The following USP20 variants were observed in gnomAD, a reference collection of about 807,000 sequenced individuals.
USP20 encodes the protein ubiquitin specific peptidase 20.
In USP20, 80 loss-of-function variants were observed where a neutral mutation model predicts 124.2. The observed-to-expected ratio is 0.64, with a 90% CI of 0.54 to 0.78. USP20 has a LOEUF of 0.78. Among genes scored for constraint, USP20 ranks in the 30% least tolerant of loss-of-function variants. The pLI is 0.00. For missense variants in USP20, 1,043 were observed against 1,244.4 expected (o/e 0.84, Z 2.44); for synonymous variants, 481 against 512.3 (o/e 0.94, Z 0.83).
In USP20 at chr9:129,868,155, G is replaced by A. The variant is rs2033914857; in HGVS notation, c.841G>A (p.Asp281Asn). 2.5e-6 allele frequency: 4 copies of A among 1,614,188 alleles called. No individual in the cohort carries two copies. Among genetic ancestry groups the A allele is most frequent in the Non-Finnish European group, 3.4e-6 (4 of 1,180,018 alleles). The part of the protein sequence containing the change: ...KREGDRSPSE[D>N]EFLSCDSSSD... ...GGAGGGTGACCGGAGCCCATCAGAA[G>A]ATGAGTTCTTGTCCTGTGACTCGAG... is the stretch of plus-strand genomic sequence containing the variant. The change falls in exon 11 of 26, where the codon GAT (aspartate) becomes AAT (asparagine). Residue 281 changes from aspartate to asparagine, a missense_variant. Asp to Asn is a conservative substitution (Grantham distance 23, BLOSUM62 1). Coordinates refer to ENST00000372429, the MANE Select transcript of USP20 (RefSeq NM_001110303.4).
chr9:129,866,498 C>T (rs764015626), intron 10 of USP20, among the ~76,000 whole-genome samples: 2 of 152,228 alleles, frequency 1.3e-5, no homozygotes, highest in African/African-American at 2.4e-5. Context: ...CACATCCTGG[C>T]AGAGATGGCA....
chr9:129,875,567 G>A lies in USP20; in HGVS notation c.2226G>A (p.Pro742=), dbSNP rs781694912. The part of the protein sequence containing the change: ...QTFLCSHGGI[P]PHKYHYIDDL... ...CCTGTACCTTCTTCCCAGGCATCCCGCCCCACAAATACCACTACATCGACG... is the reference window on the plus strand; with the variant it reads ...CCTGTACCTTCTTCCCAGGCATCCCACCCCACAAATACCACTACATCGACG... Residue 742 remains proline (P), a synonymous_variant, in exon 21 of 26, where the codon CCG becomes CCA. Coordinates refer to ENST00000372429, the MANE Select transcript of USP20 (RefSeq NM_001110303.4). 8.7e-6 allele frequency: 14 copies of A among 1,613,940 alleles called. No individual in the cohort carries two copies. The highest frequency in any genetic ancestry group is 3.3e-4 in the Middle Eastern group (2 of 6,084).
chr9:129,853,431 C>A (rs984668432), intron 3 of USP20, among the ~76,000 whole-genome samples: 2 of 152,158 alleles, frequency 1.3e-5, no homozygotes, highest in African/African-American at 4.8e-5. Flanking sequence ...ACACCTGGAC[C>A]CTTTGCAGCC....
intron 8 of USP20, among the ~76,000 whole-genome samples, chr9:129,862,480 G>T (rs542102313): frequency 6.6e-6 from 1 of 151,872 alleles, no homozygotes. Flanking sequence ...TTGAACCCGG[G>T]AGGCGGAGGT....
chr9:129,858,319 C>A, intron 5 of USP20, 148 bp from the exon 6 acceptor site: 1 of 1,242,020 alleles, frequency 8.1e-7, no homozygotes, highest in Non-Finnish European at 1.2e-6. Flanking sequence ...AGGGTCCTGA[C>A]TGGGGGTGGG....
intron 15 of USP20, among the ~76,000 whole-genome samples, chr9:129,870,808 T>C (rs1047224860): frequency 6.6e-6 from 1 of 152,244 alleles, no homozygotes; most frequent in African/African-American, 2.4e-5. Flanking sequence ...TGGGCAAAAA[T>C]GATGTATGTT....
chr9:129,855,320 A>G (rs2033153791), intron 3 of USP20, among the ~76,000 whole-genome samples: 1 of 152,008 alleles, frequency 6.6e-6, no homozygotes, highest in South Asian at 2.1e-4. Context: ...AGTCCCAGCT[A>G]CTTGGGAGGC....
chr9:129,846,367 C>T (rs2032569348), intron 1 of USP20, among the ~76,000 whole-genome samples: 1 of 145,008 alleles, frequency 6.9e-6, no homozygotes, highest in Non-Finnish European at 1.5e-5. Context: ...GCCATCCTCC[C>T]ATCACAGCTT....
intron 1 of USP20, 151 bp downstream of exon 1, chr9:129,835,650 C>A (rs2031761324): frequency 6.4e-6 from 1 of 156,158 alleles, no homozygotes; most frequent in African/African-American, 2.4e-5. Flanking sequence ...CCCCGGCCGC[C>A]GCCGCCCCTC....
At chr9:129,849,035 C>T (rs2032750500) in intron 1 of USP20, among the ~76,000 whole-genome samples, 1 of 152,192 alleles carries the variant, frequency 6.6e-6, no homozygotes, top group Admixed American at 6.5e-5. Flanking sequence ...CTGCTGAACA[C>T]TTGAGGGTCG....
chr9:129,859,897 T>C (rs1044124503), intron 6 of USP20, among the ~76,000 whole-genome samples: 10 of 152,024 alleles, frequency 6.6e-5, no homozygotes, highest in Middle Eastern at 6.8e-3. Context: ...CTAGGCATGG[T>C]GGCGCATGCT....
intron 19 of USP20, 56 bp downstream of exon 19, chr9:129,875,011 C>A: frequency 6.3e-7 from 1 of 1,592,320 alleles, no homozygotes; most frequent in Non-Finnish European, 8.5e-7. Flanking sequence ...CCCCTGGGAC[C>A]CATGGGCCTT....
intron 8 of USP20, among the ~76,000 whole-genome samples, chr9:129,862,599 AT>A (rs1403901375): frequency 6.6e-6 from 1 of 150,596 alleles, no homozygotes; most frequent in Admixed American, 6.6e-5. Context: ...TTTAACTTTA[AT>A]AACCTCTTTA....
In USP20 at chr9:129,838,711, C is replaced by T. The variant is rs552354682; in HGVS notation, c.-129+3212C>T. Among the ~76,000 whole-genome samples the T allele has an allele frequency of 2.2e-3, 335 of 152,274 alleles. 2 individuals carry two copies. Among genetic ancestry groups the T allele is most frequent in the African/African-American group, 7.7e-3 (321 of 41,564 alleles). The stretch of plus-strand genomic sequence containing the variant: ...CATGATTTTCCTAGTTCTTAGTTTC[C>T]GCATCTCTAATGTGAGTTTTTTCTA... On this transcript the variant is annotated intron_variant, in intron 1 of 25. Coordinates refer to ENST00000372429, the MANE Select transcript of USP20 (RefSeq NM_001110303.4).
Position 129,869,383 on chromosome 9 carries a change from C to A in USP20, c.1350C>A (p.Asp450Glu). ...GCAGCGTCATCTCAGACATCTTTGA[C>A]GGCTCCATTCTCAGCCTTGTGCAGT... Reference protein sequence around the residue: ...RYRSVISDIFDGSILSLVQCL... With the variant: ...RYRSVISDIFEGSILSLVQCL... The change falls in exon 13 of 26, where the codon GAC becomes GAA. Residue 450 changes from aspartate to glutamate, a missense_variant. Coordinates refer to ENST00000372429, the MANE Select transcript of USP20 (RefSeq NM_001110303.4). 6.2e-7 allele frequency: 1 copy of A among 1,613,730 alleles called. No individual in the cohort carries two copies. Among genetic ancestry groups the A allele is most frequent in the Non-Finnish European group, 8.5e-7 (1 of 1,179,994 alleles).
Position 129,873,693 on chromosome 9 carries a change from C to T in USP20, c.1695-6C>T. 6.2e-7 allele frequency: 1 copy of T among 1,613,460 alleles called. No homozygotes were observed. Among genetic ancestry groups the T allele is most frequent in the Non-Finnish European group, 8.5e-7 (1 of 1,180,016 alleles). Reference sequence around the variant, plus strand: ...ACACTGATGCTGGCTCGTGCTTCCTCCCCAGGCTGCGGAACGGAGTGAAGT... The same window carrying T: ...ACACTGATGCTGGCTCGTGCTTCCTTCCCAGGCTGCGGAACGGAGTGAAGT... On this transcript the variant is annotated splice_polypyrimidine_tract_variant and splice_region_variant and intron_variant, in intron 16 of 25. Coordinates refer to ENST00000372429, the MANE Select transcript of USP20 (RefSeq NM_001110303.4).
intron 24 of USP20, 58 bp from the exon 25 acceptor site, chr9:129,880,055 C>T (rs552165907): frequency 6.3e-7 from 1 of 1,589,494 alleles, no homozygotes; most frequent in African/African-American, 1.3e-5. Context: ...ACTGCCCAGG[C>T]CGGTGGCTTC....
At chr9:129,844,519 G>A (rs1341799236) in intron 1 of USP20, among the ~76,000 whole-genome samples, 2 of 151,104 alleles carry the variant, frequency 1.3e-5, no homozygotes, top group Non-Finnish European at 2.9e-5. Context: ...CCAGCTACTC[G>A]GGAGGCTGAG....
intron 11 of USP20, 32 bp from the exon 12 acceptor site, chr9:129,868,830 C>T: frequency 2.0e-6 from 3 of 1,522,674 alleles, no homozygotes; most frequent in East Asian, 4.6e-5. Flanking sequence ...CCTGGCTGCC[C>T]TGGCCCAGCA....
Sources: allele counts gnomAD v4.1 joint callset (sites outside exome capture counted in the v4.1 genomes callset), GRCh38; gene constraint gnomAD v4.1.1; transcripts MANE v1.5; gene names NCBI Gene and HGNC (gene_info 2026-07-23, HGNC 2026-07-21).